The following PPFIA1 variants were observed in gnomAD, a reference collection of about 807,000 sequenced individuals.
The protein encoded by PPFIA1 is liprin-alpha-1.
PPFIA1 carries 25 observed loss-of-function variants against 149.9 expected under a neutral mutation model. The ratio of observed to expected loss-of-function variants is 0.17; its 90% CI spans 0.12 to 0.23. PPFIA1 has a LOEUF of 0.23. Ranked by LOEUF, PPFIA1 falls within the 10% of genes least tolerant of loss-of-function variation. The pLI, the probability that PPFIA1 is intolerant of heterozygous loss-of-function variation, is 1.00. For missense variants in PPFIA1, 1,362 were observed against 1,506.5 expected (o/e 0.90, Z 1.59); for synonymous variants, 549 against 552.8 (o/e 0.99, Z 0.10).
chr11:70,374,677 C>T (rs1440091230), intron 23 of PPFIA1: 5 of 448,944 alleles, frequency 1.1e-5, no homozygotes, highest in Non-Finnish European at 1.9e-5. Flanking sequence ...AACTTCATTC[C>T]TCTCGTGCTC....
At chr11:70,331,868 G>A (rs2054689920) in intron 8 of PPFIA1, 92 bp from the exon 9 acceptor site, 2 of 1,393,428 alleles carry the variant, frequency 1.4e-6, no homozygotes, top group Admixed American at 2.3e-5. Flanking sequence ...GACTCTCTTA[G>A]TCTGTATCTG....
intron 2 of PPFIA1, among the ~76,000 whole-genome samples, chr11:70,306,252 TTACTG>T (rs1395019980): frequency 5.3e-5 from 8 of 152,206 alleles, no homozygotes; most frequent in Non-Finnish European, 1.2e-4. Flanking sequence ...CAAAAATCTC[TTACTG>T]TAAATTGTAA....
rs2057780097 is a variant in PPFIA1, at chr11:70,383,436, A to G, written c.*446A>G. 1 of 177,924 alleles carries G rather than the reference A, an allele frequency of 5.6e-6. No individual in the cohort carries two copies. Among genetic ancestry groups the G allele is most frequent in the Non-Finnish European group, 1.2e-5 (1 of 85,808 alleles). The allele number at this position is 177,924 out of a possible 1,614,324, so 11.0% of individuals were successfully genotyped here. A position where few individuals can be genotyped will look rare whatever the true frequency, so the allele number is the denominator to read the frequency against. Reference sequence around the variant, plus strand: ...ATGACAAAGGATTTTACGTTTATAAAATTATGACAGAAGCCATGTGCATTA... The same window carrying G: ...ATGACAAAGGATTTTACGTTTATAAGATTATGACAGAAGCCATGTGCATTA... On this transcript the variant is annotated 3_prime_UTR_variant, in exon 28 of 28. Transcript: ENST00000253925.
At chr11:70,339,115 A>G (rs1461683742) in intron 13 of PPFIA1, 56 bp from the exon 14 acceptor site, 2 of 1,601,736 alleles carry the variant, frequency 1.2e-6, no homozygotes, top group Admixed American at 1.7e-5. Context: ...CTTAACTAAA[A>G]GAGAGTTTAT....
At chr11:70,375,181 T>TA (rs372735947) in intron 24 of PPFIA1, 88 bp downstream of exon 24, 45,145 of 141,000 alleles carry the variant, frequency 0.32, 5,294 homozygotes, top group African/African-American at 0.36. Flanking sequence ...AAAGAAACTT[T>TA]AAAAAAAAAA....
Position 70,356,147 on chromosome 11 carries a change from C to T in PPFIA1, c.2489-14C>T, listed in dbSNP as rs1297813237. 1 of 1,605,892 alleles carries T rather than the reference C, an allele frequency of 6.2e-7. No homozygotes were observed. The highest frequency in any genetic ancestry group is 1.1e-5 in the South Asian group (1 of 90,890). The stretch of plus-strand genomic sequence containing the variant: ...TGCTGATTTTTACTTCTGGGCTGTT[C>T]TGCTTCCTCACAGCTGGTGTTTCCG... On this transcript the variant is annotated splice_polypyrimidine_tract_variant and intron_variant, in intron 18 of 27. Transcript: ENST00000253925.
intron 2 of PPFIA1, among the ~76,000 whole-genome samples, chr11:70,286,754 C>CTT (rs957912008): frequency 1.4e-3 from 179 of 123,952 alleles, no homozygotes; most frequent in African/African-American, 3.0e-3. Flanking sequence ...TTCTTTCTTT[C>CTT]TTTTTTTTTT....
intron 16 of PPFIA1, among the ~76,000 whole-genome samples, chr11:70,352,449 T>C (rs540178727): frequency 6.6e-6 from 1 of 152,276 alleles, no homozygotes; most frequent in Admixed American, 6.5e-5. Context: ...AAGTAGCATG[T>C]TGATTGACAC....
At chr11:70,287,688 G>C (rs143270152) in intron 2 of PPFIA1, among the ~76,000 whole-genome samples, 20 of 151,734 alleles carry the variant, frequency 1.3e-4, no homozygotes, top group African/African-American at 4.8e-4. Context: ...CTGTTTCCTA[G>C]GCTGGAGCGC....
chr11:70,343,120 G>C (rs551940160), intron 14 of PPFIA1, among the ~76,000 whole-genome samples: 2 of 151,940 alleles, frequency 1.3e-5, no homozygotes, highest in East Asian at 3.9e-4. Flanking sequence ...GCTAATTTTT[G>C]TATTTTTAGT....
chr11:70,348,637 T>C (rs1288217865), intron 16 of PPFIA1, among the ~76,000 whole-genome samples: 1 of 152,182 alleles, frequency 6.6e-6, no homozygotes, highest in Non-Finnish European at 1.5e-5. Context: ...TCCTCACACT[T>C]TGGGAGACTG....
At chr11:70,297,364 A>G (rs1320040380) in intron 2 of PPFIA1, among the ~76,000 whole-genome samples, 3 of 152,140 alleles carry the variant, frequency 2.0e-5, no homozygotes, top group African/African-American at 7.2e-5. Flanking sequence ...AGCTATGATC[A>G]TACCACTGTA....
intron 2 of PPFIA1, among the ~76,000 whole-genome samples, chr11:70,312,777 C>A (rs2053371401): frequency 6.6e-6 from 1 of 152,202 alleles, no homozygotes; most frequent in Admixed American, 6.5e-5. Context: ...GGGCTGCGGA[C>A]ATTGACTGGG....
intron 2 of PPFIA1, among the ~76,000 whole-genome samples, chr11:70,294,801 T>G (rs2051792843): frequency 1.3e-5 from 2 of 151,744 alleles, no homozygotes; most frequent in Non-Finnish European, 2.9e-5. Flanking sequence ...AAAGCACATC[T>G]TGCACTGCCC....
intron 16 of PPFIA1, chr11:70,350,051 A>G (rs1381664775): frequency 2.3e-6 from 1 of 431,980 alleles, no homozygotes; most frequent in East Asian, 7.6e-5. Flanking sequence ...TAACCACGCA[A>G]CTGTGTGTGT....
Position 70,331,956 on chromosome 11 carries a change from A to G in PPFIA1, c.1078-4A>G, listed in dbSNP as rs1325036028. On this transcript the variant is annotated splice_region_variant and splice_polypyrimidine_tract_variant and intron_variant, in intron 8 of 27. Coordinates refer to ENST00000253925, the MANE Select transcript of PPFIA1 (RefSeq NM_003626.5). ...CATTTTGATGCTTTGCTCTCATTTT[A>G]TAGACTGAAGATAAAAACCGCCAGT... The G allele has an allele frequency of 1.9e-6, 3 of 1,605,292 alleles. No homozygotes were observed. Among genetic ancestry groups the G allele is most frequent in the Non-Finnish European group, 1.7e-6 (2 of 1,177,468 alleles).
At chr11:70,295,207 G>A (rs1243973885) in intron 2 of PPFIA1, among the ~76,000 whole-genome samples, 1 of 147,076 alleles carries the variant, frequency 6.8e-6, no homozygotes, top group African/African-American at 2.6e-5. Context: ...CTCCCTCCCG[G>A]ACGGGGTGGC....
At chr11:70,279,346 C>G (rs1210293866) in intron 2 of PPFIA1, 2 of 203,648 alleles carry the variant, frequency 9.8e-6, no homozygotes, top group African/African-American at 4.7e-5. Flanking sequence ...AAGGACTAAT[C>G]AGACACACAG....
chr11:70,281,611 C>T (rs1028414997), intron 2 of PPFIA1, among the ~76,000 whole-genome samples: 1 of 152,160 alleles, frequency 6.6e-6, no homozygotes, highest in African/African-American at 2.4e-5. Flanking sequence ...CTTTTTGTCT[C>T]CCCAGACCCT....
Sources: allele counts gnomAD v4.1 joint callset (sites outside exome capture counted in the v4.1 genomes callset), GRCh38; gene constraint gnomAD v4.1.1; transcripts MANE v1.5; gene names NCBI Gene and HGNC (gene_info 2026-07-23, HGNC 2026-07-21).